The following TSC22D2 variants were observed in gnomAD, a reference collection of about 807,000 sequenced individuals.
The protein encoded by TSC22D2 is TSC22 domain family protein 2.
In TSC22D2, 5 loss-of-function variants were observed where a neutral mutation model predicts 50.1. That is an observed-to-expected ratio of 0.10 (90% CI 0.05 to 0.21). The LOEUF (loss-of-function observed/expected upper bound fraction) is 0.21. TSC22D2 is among the 10% of genes least tolerant of loss of function. The pLI is 1.00. For missense variants in TSC22D2, 1,003 were observed against 1,015.5 expected (o/e 0.99, Z 0.17); for synonymous variants, 501 against 450.1 (o/e 1.11, Z -1.43).
At chr3:150,442,233 C>T (rs370053036) in intron 1 of TSC22D2, among the ~76,000 whole-genome samples, 2 of 152,166 alleles carry the variant, frequency 1.3e-5, no homozygotes, top group South Asian at 2.1e-4. Flanking sequence ...CCAGAACACC[C>T]TCTAAAATCT....
chr3:150,461,585 A>C lies in TSC22D2; in HGVS notation c.*2949A>C, dbSNP rs980865820. 2 of 152,218 alleles carry C rather than the reference A, an allele frequency of 1.3e-5. No homozygotes were observed. Among genetic ancestry groups the C allele is most frequent in the Non-Finnish European group, 2.9e-5 (2 of 68,044 alleles). 9.4% of individuals were successfully genotyped at this position (152,218 alleles called of 1,614,324 possible). A position where few individuals can be genotyped will look rare whatever the true frequency, so the allele number is the denominator to read the frequency against. ...ATAAAATTTAGTTTGTTCCGATGTG[A>C]TCTCACAGCTTGCCACACCAAAAAC... is the stretch of plus-strand genomic sequence containing the variant. On this transcript the variant is annotated 3_prime_UTR_variant, in exon 3 of 3. Transcript: ENST00000688009.
At chr3:150,442,572 T>A (rs1720751722) in intron 1 of TSC22D2, among the ~76,000 whole-genome samples, 1 of 152,196 alleles carries the variant, frequency 6.6e-6, no homozygotes, top group Non-Finnish European at 1.5e-5. Flanking sequence ...ACATAGTAAG[T>A]GTTTACCATA....
chr3:150,418,293 A>G (rs1383144485), intron 1 of TSC22D2, among the ~76,000 whole-genome samples: 1 of 151,872 alleles, frequency 6.6e-6, no homozygotes, highest in Non-Finnish European at 1.5e-5. Context: ...TCAGATGTAT[A>G]CTTTGACATA....
intron 1 of TSC22D2, among the ~76,000 whole-genome samples, chr3:150,445,370 A>G (rs1407600365): frequency 6.7e-6 from 1 of 150,278 alleles, no homozygotes; most frequent in African/African-American, 2.4e-5. Flanking sequence ...AGCCTTGTAA[A>G]TGTAAATCTC....
chr3:150,452,397 A>G (rs527695257), intron 1 of TSC22D2, among the ~76,000 whole-genome samples: 1 of 152,104 alleles, frequency 6.6e-6, no homozygotes, highest in Non-Finnish European at 1.5e-5. Context: ...GTGAGCTGAG[A>G]TCGCGCCATT....
chr3:150,421,422 C>A (rs1197507952), intron 1 of TSC22D2, among the ~76,000 whole-genome samples: 1 of 151,904 alleles, frequency 6.6e-6, no homozygotes, highest in Non-Finnish European at 1.5e-5. Context: ...CTAAGTACAG[C>A]GAAAAAAGTG....
chr3:150,418,098 G>T (rs1222553201), intron 1 of TSC22D2, among the ~76,000 whole-genome samples: 3 of 151,922 alleles, frequency 2.0e-5, no homozygotes, highest in Non-Finnish European at 4.4e-5. Context: ...CTTGACTATT[G>T]TGTGGCAATA....
rs1446071795 is a variant in TSC22D2 at position 150,463,710 on chromosome 3, CACAG to C, written c.*5078_*5081del. 3.3e-5 allele frequency: 5 copies of C among 152,134 alleles called. No individual in the cohort carries two copies. Among genetic ancestry groups the C allele is most frequent in the African/African-American group, 1.2e-4 (5 of 41,420 alleles). The allele number at this position is 152,134 out of a possible 1,614,324, so 9.4% of individuals were successfully genotyped here. On this transcript the variant is annotated 3_prime_UTR_variant, in exon 3 of 3. Transcript: ENST00000688009. ...AGGCACTCTGAAGCAAGTTAAAGTT[CACAG>C]ACATTCTTGCTTGCCCACCACCCCC...
At chr3:150,449,428 A>T (rs909837945) in intron 1 of TSC22D2, among the ~76,000 whole-genome samples, 1 of 152,158 alleles carries the variant, frequency 6.6e-6, no homozygotes, top group African/African-American at 2.4e-5. Flanking sequence ...TAATGTGTGT[A>T]TATCCTTCTT....
chr3:150,414,569 A>T (rs1719727991), intron 1 of TSC22D2, among the ~76,000 whole-genome samples: 1 of 152,192 alleles, frequency 6.6e-6, no homozygotes, highest in African/African-American at 2.4e-5. Flanking sequence ...CTTTGGTGGC[A>T]GATATTTCTA....
Position 150,411,232 on chromosome 3 carries a change from C to T in TSC22D2, c.1882C>T (p.Leu628Phe). ...TGTTGCAGATTCCCTGGCAAACCCCCTTCAGTTAACACCTATGAACAGTCT... is the reference window on the plus strand; with the variant it reads ...TGTTGCAGATTCCCTGGCAAACCCCTTTCAGTTAACACCTATGAACAGTCT... Reference protein sequence around the residue: ...PPVADSLANPLQLTPMNSLAT... With the variant: ...PPVADSLANPFQLTPMNSLAT... Residue 628 changes from leucine (L) to phenylalanine (F), a missense_variant, in exon 1 of 3, where the codon CTT (leucine) becomes TTT (phenylalanine). By Grantham distance (22) the Leu-to-Phe change is conservative. Coordinates refer to ENST00000688009, the MANE Select transcript of TSC22D2 (RefSeq NM_001303264.2). 6.2e-7 allele frequency: 1 copy of T among 1,614,216 alleles called. No individual in the cohort carries two copies. The highest frequency in any genetic ancestry group is 8.5e-7 in the Non-Finnish European group (1 of 1,180,024).
intron 1 of TSC22D2, among the ~76,000 whole-genome samples, chr3:150,445,552 G>C (rs1720859518): frequency 6.6e-6 from 1 of 151,962 alleles, no homozygotes; most frequent in Non-Finnish European, 1.5e-5. Flanking sequence ...ATGTTTCACT[G>C]CCTTGGGAGA....
chr3:150,440,593 G>T (rs1297316706), intron 1 of TSC22D2, among the ~76,000 whole-genome samples: 3 of 150,076 alleles, frequency 2.0e-5, no homozygotes, highest in Non-Finnish European at 4.5e-5. Context: ...ATATTTCTTG[G>T]GATAGTGGGA....
intron 1 of TSC22D2, among the ~76,000 whole-genome samples, chr3:150,415,643 T>G (rs1370606681): frequency 1.3e-5 from 2 of 152,156 alleles, no homozygotes; most frequent in African/African-American, 4.8e-5. Context: ...AGCGAGGCTT[T>G]GTCTCTACAA....
In TSC22D2 at chr3:150,410,318, C is replaced by G; in HGVS notation, c.968C>G (p.Thr323Ser). 1 of 1,576,414 alleles carries G rather than the reference C, an allele frequency of 6.3e-7. No homozygotes were observed. Among genetic ancestry groups the G allele is most frequent in the Non-Finnish European group, 8.6e-7 (1 of 1,160,308 alleles). ...CAGGGAGCGGGGCCCGGGGGACAGA[C>G]TCTGCCGCCGACGAATGTAACCCTG... The part of the protein sequence containing the change: ...QPQGAGPGGQ[T>S]LPPTNVTLAQ... The change falls in exon 1 of 3, where the codon ACT becomes AGT. Residue 323 changes from threonine (T) to serine (S), a missense_variant. Transcript: ENST00000688009.
intron 1 of TSC22D2, among the ~76,000 whole-genome samples, chr3:150,440,051 T>C (rs917422496): frequency 6.6e-6 from 1 of 152,232 alleles, no homozygotes; most frequent in African/African-American, 2.4e-5. Context: ...CAAAGTCATA[T>C]ATTAATAGAT....
At chr3:150,439,226 A>G (rs1020348333) in intron 1 of TSC22D2, among the ~76,000 whole-genome samples, 1 of 152,330 alleles carries the variant, frequency 6.6e-6, no homozygotes, top group East Asian at 1.9e-4. Context: ...ATTTTCCAAA[A>G]AAGCCAGAAG....
intron 1 of TSC22D2, among the ~76,000 whole-genome samples, chr3:150,426,195 CTCTT>C (rs1720181073): frequency 6.6e-6 from 1 of 152,194 alleles, no homozygotes; most frequent in South Asian, 2.1e-4. Flanking sequence ...TTTGAGTTGA[CTCTT>C]TATTAAAATA....
chr3:150,445,534 T>C (rs1290216016), intron 1 of TSC22D2, among the ~76,000 whole-genome samples: 1 of 152,124 alleles, frequency 6.6e-6, no homozygotes, highest in South Asian at 2.1e-4. Context: ...CATAATTGAT[T>C]TTTATTCATG....
Sources: allele counts gnomAD v4.1 joint callset (sites outside exome capture counted in the v4.1 genomes callset), GRCh38; gene constraint gnomAD v4.1.1; transcripts MANE v1.5; gene names NCBI Gene and HGNC (gene_info 2026-07-23, HGNC 2026-07-21).